Variants in MTHFD1L observed in about 807,000 individuals in gnomAD.
The protein encoded by MTHFD1L is monofunctional C1-tetrahydrofolate synthase, mitochondrial.
A neutral mutation model predicts 119.5 loss-of-function variants in MTHFD1L; 81 were observed. The observed-to-expected ratio is 0.68, with a 90% CI of 0.57 to 0.82. MTHFD1L has a LOEUF of 0.82. Ranked by LOEUF, MTHFD1L falls within the 40% of genes least tolerant of loss-of-function variation. The pLI, the probability that MTHFD1L is intolerant of heterozygous loss-of-function variation, is 0.00. For missense variants in MTHFD1L, 1,125 were observed against 1,253.4 expected, an observed-to-expected ratio of 0.90 and a Z score of 1.55; for synonymous variants, 430 against 475.2, an observed-to-expected ratio of 0.90 and a Z score of 1.24.
At chr6:150,931,268 C>CTTTTTTT (rs370763551) in intron 11 of MTHFD1L, among the ~76,000 whole-genome samples, 3 of 123,726 alleles carry the variant, frequency 2.4e-5, no homozygotes, top group Non-Finnish European at 5.1e-5. Flanking sequence ...ATCATTTCAT[C>CTTTTTTT]TTTTTTTTTT....
Position 150,887,962 on chromosome 6 carries a change from C to T in MTHFD1L, c.761C>T (p.Thr254Ile), listed in dbSNP as rs1255971044. The T allele has an allele frequency of 6.2e-7, 1 of 1,604,568 alleles. No individual in the cohort carries two copies. The change falls in exon 7 of 28, where the codon ACA becomes ATA. Residue 254 changes from threonine (T) to isoleucine (I), a missense_variant. By Grantham distance (89) the Thr-to-Ile change is moderately conservative. Transcript: ENST00000367321. ...ATGACAATGAGCATCCAGTGGAAAA[C>T]ACGCCAGCTTCAAAGCAAGGTAAAT... ...GSMTMSIQWKTRQLQSKLHEA... is the reference protein window; with the variant it reads ...GSMTMSIQWKIRQLQSKLHEA...
Position 150,922,368 on chromosome 6 carries a change from G to A in MTHFD1L, c.1082+66G>A, listed in dbSNP as rs552971209. On this transcript the variant is annotated intron_variant, in intron 10 of 27. Coordinates refer to ENST00000367321, the MANE Select transcript of MTHFD1L (RefSeq NM_015440.5). ...CAGTGCCTTAGCCCTAGTTAGTCAT[G>A]GGGGAGAAGCACAACTCATGGTACT... 45 of 1,299,928 alleles carry A rather than the reference G, an allele frequency of 3.5e-5. No homozygotes were observed. In the African/African-American group the frequency reaches 4.2e-4, roughly 12 times the overall value. 80.5% of individuals were successfully genotyped at this position (1,299,928 alleles called of 1,614,324 possible). A position where few individuals can be genotyped will look rare whatever the true frequency, so the allele number is the denominator to read the frequency against.
chr6:150,985,820 G>A (rs779114234), intron 20 of MTHFD1L, among the ~76,000 whole-genome samples: 2 of 152,156 alleles, frequency 1.3e-5, no homozygotes, highest in African/African-American at 2.4e-5. Context: ...TGCCATTTCC[G>A]TGCCTTTCCC....
intron 26 of MTHFD1L, among the ~76,000 whole-genome samples, chr6:151,061,215 A>G (rs542212197): frequency 6.6e-6 from 1 of 152,326 alleles, no homozygotes; most frequent in East Asian, 1.9e-4. Context: ...CAAAATTAGC[A>G]AAAGGAAACA....
chr6:151,052,976 G>A (rs751510070), intron 26 of MTHFD1L, among the ~76,000 whole-genome samples: 41 of 152,082 alleles, frequency 2.7e-4, no homozygotes, highest in Non-Finnish European at 1.6e-4. Flanking sequence ...TCGTGGGGTG[G>A]GTCTATACCC....
chr6:151,090,894 G>A (rs1273251447), intron 26 of MTHFD1L, among the ~76,000 whole-genome samples: 4 of 142,812 alleles, frequency 2.8e-5, no homozygotes, highest in Non-Finnish European at 6.1e-5. Flanking sequence ...GTGCAGCATT[G>A]CCCCATGCGA....
At chr6:150,915,106 A>G (rs765851478) in intron 8 of MTHFD1L, among the ~76,000 whole-genome samples, 29 of 152,312 alleles carry the variant, frequency 1.9e-4, no homozygotes, top group Non-Finnish European at 4.3e-4. Flanking sequence ...ATCTTCTTAC[A>G]TGGCTCATTA....
At chr6:150,886,849 A>G (rs1034286337) in intron 6 of MTHFD1L, among the ~76,000 whole-genome samples, 1 of 151,808 alleles carries the variant, frequency 6.6e-6, no homozygotes, top group South Asian at 2.1e-4. Flanking sequence ...TTTTTTAATT[A>G]GCCAGGTGTG....
At chr6:151,026,590 T>C (rs1014404075) in intron 24 of MTHFD1L, among the ~76,000 whole-genome samples, 2 of 152,128 alleles carry the variant, frequency 1.3e-5, no homozygotes, top group Non-Finnish European at 2.9e-5. Flanking sequence ...ATGAGAAGGG[T>C]TACATTTTTG....
Position 151,029,642 on chromosome 6 carries a change from C to T in MTHFD1L, c.2587-4851C>T, listed in dbSNP as rs978606853. 5.3e-5 allele frequency among the ~76,000 whole-genome samples: 8 copies of T among 151,000 alleles called. No individual in the cohort carries two copies. In the East Asian group the frequency reaches 1.6e-3, roughly 30 times the overall value. On this transcript the variant is annotated intron_variant, in intron 24 of 27. Transcript: ENST00000367321. The stretch of plus-strand genomic sequence containing the variant: ...TGAAACCCTGTCTCTACTAAAAATA[C>T]AAAATTAGCCGGGCGTGGTGGCACA...
chr6:151,100,819 A>G (rs1795310912), intron 27 of MTHFD1L, among the ~76,000 whole-genome samples: 1 of 151,900 alleles, frequency 6.6e-6, no homozygotes, highest in African/African-American at 2.4e-5. Context: ...TTCTGTGCCT[A>G]CTCTATAAAA....
intron 21 of MTHFD1L, among the ~76,000 whole-genome samples, 167 bp from the exon 22 acceptor site, chr6:151,013,612 C>T (rs961488612): frequency 6.6e-6 from 1 of 152,238 alleles, no homozygotes; most frequent in East Asian, 1.9e-4. Flanking sequence ...CTAAAAGCTT[C>T]CCGCAGGAGT....
intron 20 of MTHFD1L, among the ~76,000 whole-genome samples, chr6:150,998,853 G>T (rs535170339): frequency 2.4e-4 from 36 of 150,226 alleles, no homozygotes; most frequent in Non-Finnish European, 4.4e-4. Context: ...AGCTGGGCAC[G>T]GTGGCACACA....
chr6:150,973,489 G>A (rs549676215), intron 20 of MTHFD1L, among the ~76,000 whole-genome samples: 121 of 152,330 alleles, frequency 7.9e-4, no homozygotes, highest in African/African-American at 2.8e-3. Context: ...GGCTGGGTCA[G>A]GGCGGGCACT....
intron 20 of MTHFD1L, among the ~76,000 whole-genome samples, chr6:151,003,727 A>G (rs1780963357): frequency 6.6e-6 from 1 of 152,188 alleles, no homozygotes; most frequent in African/African-American, 2.4e-5. Flanking sequence ...TAATTATTGA[A>G]TGAGAAGAAA....
intron 27 of MTHFD1L, among the ~76,000 whole-genome samples, chr6:151,095,640 G>A (rs1271547333): frequency 2.0e-5 from 3 of 152,248 alleles, no homozygotes; most frequent in African/African-American, 7.2e-5. Flanking sequence ...CTGCAGGGCA[G>A]GACACAGGCC....
chr6:151,084,724 G>A (rs977001712), intron 26 of MTHFD1L, among the ~76,000 whole-genome samples: 1 of 152,002 alleles, frequency 6.6e-6, no homozygotes, highest in African/African-American at 2.4e-5. Flanking sequence ...CCAGCACTTT[G>A]GGAGGCCGAG....
chr6:150,966,491 G>A (rs911486222), intron 19 of MTHFD1L, among the ~76,000 whole-genome samples: 5 of 152,104 alleles, frequency 3.3e-5, no homozygotes, highest in African/African-American at 1.2e-4. Flanking sequence ...TGTGGGTGGG[G>A]ACACAGAGCC....
chr6:150,918,752 A>G, intron 9 of MTHFD1L, 84 bp downstream of exon 9: 2 of 1,112,796 alleles, frequency 1.8e-6, no homozygotes, highest in Non-Finnish European at 2.7e-6. Flanking sequence ...GTTTCTGTTT[A>G]CCAGGTACAG....
Sources: gnomAD v4.1 joint callset for allele counts (sites outside exome capture counted in the v4.1 genomes callset) on GRCh38, gnomAD v4.1.1 for gene constraint, MANE v1.5 for transcripts, NCBI Gene and HGNC (gene_info 2026-07-23, HGNC 2026-07-21) for gene names.